RAPH1: variants seen among roughly 807,000 people sequenced by gnomAD.
RAPH1 encodes the protein ras-associated and pleckstrin homology domains-containing protein 1.
Under a neutral mutation model 88.1 loss-of-function variants are expected in RAPH1, and 18 were observed. That is an observed-to-expected ratio of 0.20 (90% CI 0.14 to 0.30). The LOEUF is 0.30. Ranked by LOEUF, RAPH1 falls within the 10% of genes least tolerant of loss-of-function variation. The pLI is 1.00. For synonymous variants in RAPH1, 587 were observed against 559.0 expected (o/e 1.05, Z -0.71); for missense variants, 1,448 against 1,543.2 (o/e 0.94, Z 1.03).
At position 203,444,892 on chromosome 2, in the gene RAPH1, G is replaced by A; in HGVS notation, c.1752C>T (p.Gly584=). The A allele has an allele frequency of 6.2e-7, 1 of 1,614,098 alleles. No homozygotes were observed. The highest frequency in any genetic ancestry group is 1.3e-5 in the African/African-American group (1 of 75,048). The part of the protein sequence containing the change: ...SSVFSEAWKR[G]TQLEESSKAR... ...CCTTGCTGGACTCTTCCAACTGAGT[G>A]CCTCGTTTCCAGGCTTCAGAGAATA... Residue 584 remains glycine (G), a synonymous_variant, in exon 13 of 14, where the codon GGC becomes GGT. Transcript: ENST00000319170.
At position 203,439,167 on chromosome 2, in the gene RAPH1, C is replaced by G; in HGVS notation, c.*270G>C. The G allele has an allele frequency of 2.8e-6, 1 of 353,806 alleles. No individual in the cohort carries two copies. The highest frequency in any genetic ancestry group is 5.2e-6 in the Non-Finnish European group (1 of 193,058). The allele number at this position is 353,806 out of a possible 1,614,324, so 21.9% of individuals were successfully genotyped here. On this transcript the variant is annotated 3_prime_UTR_variant, in exon 14 of 14. Coordinates refer to ENST00000319170, the MANE Select transcript of RAPH1 (RefSeq NM_213589.3). ...CCTCTTCCACCCAAAATACAGAACA[C>G]CCATTTTCAGATTAGGAGAGAAAAG...
intron 1 of RAPH1, among the ~76,000 whole-genome samples, chr2:203,520,086 G>C (rs765266020): frequency 1.3e-5 from 2 of 152,086 alleles, no homozygotes; most frequent in Non-Finnish European, 2.9e-5. Flanking sequence ...CTAGCACTTT[G>C]GGAGGCTAAG....
At chr2:203,465,481 A>G (rs2098527749) in intron 4 of RAPH1, among the ~76,000 whole-genome samples, 1 of 152,240 alleles carries the variant, frequency 6.6e-6, no homozygotes, top group South Asian at 2.1e-4. Context: ...CCAGGGGTTA[A>G]GAAGGAGGAA....
At chr2:203,459,085 G>A (rs543884883) in intron 7 of RAPH1, among the ~76,000 whole-genome samples, 1 of 152,000 alleles carries the variant, frequency 6.6e-6, no homozygotes, top group African/African-American at 2.4e-5. Context: ...TAGCCAGGAT[G>A]GTCTCGATCT....
chr2:203,466,369 A>G (rs768908245), intron 4 of RAPH1, among the ~76,000 whole-genome samples: 42 of 152,182 alleles, frequency 2.8e-4, no homozygotes, highest in Non-Finnish European at 5.4e-4. Context: ...TATTTAAGCA[A>G]TCACCATATC....
chr2:203,441,810 G>A, intron 13 of RAPH1: 2 of 1,293,228 alleles, frequency 1.5e-6, no homozygotes, highest in Middle Eastern at 2.9e-4. Context: ...GAGATGTGAT[G>A]GCTCCAGTTT....
chr2:203,454,445 A>G lies in RAPH1; in HGVS notation c.1398T>C (p.Tyr466=). ...ATGTGTTTACCTTCAGCACCAGACA[A>G]TAGTCTGTAGGTGCTTTGTATTTGT... The part of the protein sequence containing the change: ...YRNKYKAPTD[Y]CLVLKHPQIQ... The change falls in exon 10 of 14, where the codon TAT becomes TAC. Residue 466 remains tyrosine (Y), a synonymous_variant. Transcript: ENST00000319170. The G allele has an allele frequency of 1.2e-6, 2 of 1,611,418 alleles. No homozygotes were observed. The highest frequency in any genetic ancestry group is 1.7e-6 in the Non-Finnish European group (2 of 1,178,232).
intron 1 of RAPH1, among the ~76,000 whole-genome samples, chr2:203,508,207 G>C (rs1382662565): frequency 1.5e-5 from 2 of 130,446 alleles, no homozygotes; most frequent in Non-Finnish European, 3.1e-5. Flanking sequence ...GGGCAACAGA[G>C]CAAGACTCTG....
chr2:203,526,246 T>C (rs1690109093), intron 1 of RAPH1, among the ~76,000 whole-genome samples: 1 of 152,176 alleles, frequency 6.6e-6, no homozygotes, highest in Admixed American at 6.5e-5. Flanking sequence ...TTTATTACTG[T>C]ATGTGTTGAA....
chr2:203,504,792 G>A (rs534624089), intron 1 of RAPH1, among the ~76,000 whole-genome samples: 1 of 152,148 alleles, frequency 6.6e-6, no homozygotes, highest in East Asian at 1.9e-4. Flanking sequence ...CCTTTTGAAT[G>A]GTTTGCTGCT....
At chr2:203,468,468 T>C (rs1357974436) in intron 4 of RAPH1, among the ~76,000 whole-genome samples, 1 of 152,188 alleles carries the variant, frequency 6.6e-6, no homozygotes, top group Non-Finnish European at 1.5e-5. Flanking sequence ...GCTTAAATAT[T>C]ACCCTCCTAG....
rs182775985 is a variant in RAPH1 at position 203,505,254 on chromosome 2, C to T, written c.1-9901G>A. On this transcript the variant is annotated intron_variant, in intron 1 of 13. Coordinates refer to ENST00000319170, the MANE Select transcript of RAPH1 (RefSeq NM_213589.3). ...AGAAAAAGAGGTTTAATTGGACTCA[C>T]AGTTCCACATGGCTGGGGAGGCCTC... Among the ~76,000 whole-genome samples, 6 of 152,276 alleles carry T rather than the reference C, an allele frequency of 3.9e-5. No homozygotes were observed. In the East Asian group the frequency reaches 7.7e-4, roughly 20 times the overall value.
At chr2:203,514,511 T>A (rs1040974952) in intron 1 of RAPH1, among the ~76,000 whole-genome samples, 1 of 152,172 alleles carries the variant, frequency 6.6e-6, no homozygotes, top group Non-Finnish European at 1.5e-5. Flanking sequence ...CAATGAGCAG[T>A]ATCCCCCCAG....
chr2:203,467,412 G>A lies in RAPH1; in HGVS notation c.733-5487C>T, dbSNP rs184731218. Reference sequence around the variant, plus strand: ...TCAGGACCAGCCTAGCCATGATAGCGAAACCCCGTCTCTACTAAAAAAAAA... The same window carrying A: ...TCAGGACCAGCCTAGCCATGATAGCAAAACCCCGTCTCTACTAAAAAAAAA... On this transcript the variant is annotated intron_variant, in intron 4 of 13. Coordinates refer to ENST00000319170, the MANE Select transcript of RAPH1 (RefSeq NM_213589.3). Among the ~76,000 whole-genome samples, 171 of 150,994 alleles carry A rather than the reference G, an allele frequency of 1.1e-3. 1 individual carries two copies. In the Middle Eastern group the frequency reaches 0.014, roughly 12 times the overall value.
In RAPH1 at chr2:203,454,226, T is replaced by G. The variant is rs557474510; in HGVS notation, c.1413+204A>C. 6.6e-5 allele frequency among the ~76,000 whole-genome samples: 10 copies of G among 152,316 alleles called. No homozygotes were observed. In the East Asian group the frequency reaches 1.9e-3, roughly 29 times the overall value. On this transcript the variant is annotated intron_variant, in intron 10 of 13. Coordinates refer to ENST00000319170, the MANE Select transcript of RAPH1 (RefSeq NM_213589.3). Reference sequence around the variant, plus strand: ...TCAAAGCTTACAATCTAATATTCACTCCTTACCTAGAGATAATTGGCCCAG... The same window carrying G: ...TCAAAGCTTACAATCTAATATTCACGCCTTACCTAGAGATAATTGGCCCAG...
chr2:203,531,442 G>A (rs1690386408), intron 1 of RAPH1, among the ~76,000 whole-genome samples: 1 of 152,230 alleles, frequency 6.6e-6, no homozygotes, highest in East Asian at 1.9e-4. Flanking sequence ...TCAAGACAGT[G>A]AAAAGATAAC....
At position 203,506,898 on chromosome 2, in the gene RAPH1, AT is replaced by A. The variant is rs1243668890; in HGVS notation, c.1-11546del. ...TATATATAGATATATATATATATAT[AT>A]TTTTTTTTTTTTTGAGATGAACTTT... is the stretch of plus-strand genomic sequence containing the variant. On this transcript the variant is annotated intron_variant, in intron 1 of 13. Coordinates refer to ENST00000319170, the MANE Select transcript of RAPH1 (RefSeq NM_213589.3). Among the ~76,000 whole-genome samples the A allele has an allele frequency of 7.8e-3, 689 of 87,854 alleles. 38 individuals are homozygous for A. The highest frequency in any genetic ancestry group is 0.062 in the East Asian group (212 of 3,424). 57.6% of individuals were successfully genotyped at this position (87,854 alleles called of 152,430 possible).
At chr2:203,494,017 A>AAAAT (rs1581356790) in intron 2 of RAPH1, among the ~76,000 whole-genome samples, 2 of 129,954 alleles carry the variant, frequency 1.5e-5, no homozygotes, top group African/African-American at 2.9e-5. Context: ...AAAAAAAAAA[A>AAAAT]TCCCCCCAAA....
intron 1 of RAPH1, 99 bp downstream of exon 1, chr2:203,535,012 C>G (rs1018456175): frequency 6.6e-6 from 1 of 152,264 alleles, no homozygotes; most frequent in African/African-American, 2.4e-5. Flanking sequence ...CGGGGCCGGG[C>G]GCCGGGAAAA....
Sources: gnomAD v4.1 joint callset for allele counts (sites outside exome capture counted in the v4.1 genomes callset) on GRCh38, gnomAD v4.1.1 for gene constraint, MANE v1.5 for transcripts, NCBI Gene and HGNC (gene_info 2026-07-23, HGNC 2026-07-21) for gene names.